Variants in AGBL4 observed in about 807,000 individuals in gnomAD.
AGBL4 encodes the protein cytosolic carboxypeptidase 6.
AGBL4 carries 58 observed loss-of-function variants against 66.4 expected under a neutral mutation model. That is an observed-to-expected ratio of 0.87 (90% CI 0.71 to 1.09). The LOEUF (loss-of-function observed/expected upper bound fraction) is 1.09, where lower values mean the gene tolerates loss of function less well. Ranked by LOEUF, AGBL4 falls within the 50% of genes least tolerant of loss-of-function variation. The pLI is 0.00. For missense variants in AGBL4, 579 were observed against 631.0 expected, an observed-to-expected ratio of 0.92 and a Z score of 0.88; for synonymous variants, 234 against 222.9, an observed-to-expected ratio of 1.05 and a Z score of -0.44.
intron 2 of AGBL4, among the ~76,000 whole-genome samples, chr1:49,784,613 C>A (rs769060549): frequency 6.6e-6 from 1 of 151,866 alleles, no homozygotes; most frequent in Non-Finnish European, 1.5e-5. Flanking sequence ...CAATGTCACA[C>A]CAATAGCACA....
chr1:49,508,120 T>C (rs1167295), intron 3 of AGBL4, among the ~76,000 whole-genome samples: 103,347 of 151,718 alleles, frequency 0.68, 36,024 homozygotes, highest in African/African-American at 0.77. Context: ...ACAATCAATA[T>C]TTTAATACAT....
intron 4 of AGBL4, among the ~76,000 whole-genome samples, chr1:49,155,006 T>C (rs1332395067): frequency 6.6e-6 from 1 of 152,186 alleles, no homozygotes; most frequent in African/African-American, 2.4e-5. Context: ...ATGCTAAACA[T>C]AGAACCATTT....
chr1:49,082,782 A>T (rs911846712), intron 4 of AGBL4, among the ~76,000 whole-genome samples: 1 of 152,198 alleles, frequency 6.6e-6, no homozygotes, highest in African/African-American at 2.4e-5. Flanking sequence ...CTAACTTAAA[A>T]GTCCATAGTC....
At chr1:48,749,412 A>T (rs1430145069) in intron 6 of AGBL4, among the ~76,000 whole-genome samples, 1 of 152,168 alleles carries the variant, frequency 6.6e-6, no homozygotes, top group African/African-American at 2.4e-5. Flanking sequence ...GTTAATCCTT[A>T]TGGTGGTCCT....
chr1:49,957,772 C>G (rs1256230616), intron 1 of AGBL4, among the ~76,000 whole-genome samples: 1 of 151,978 alleles, frequency 6.6e-6, no homozygotes, highest in Non-Finnish European at 1.5e-5. Flanking sequence ...TGAGATGGGT[C>G]TCCTGAATAC....
intron 2 of AGBL4, among the ~76,000 whole-genome samples, chr1:49,768,152 G>T (rs1008418574): frequency 3.2e-4 from 49 of 151,990 alleles, no homozygotes; most frequent in Admixed American, 2.4e-3. Context: ...GAGGAGGAGG[G>T]TCTCATCTCT....
At chr1:49,029,607 A>G (rs1322317576) in intron 5 of AGBL4, among the ~76,000 whole-genome samples, 2 of 152,178 alleles carry the variant, frequency 1.3e-5, no homozygotes, top group East Asian at 1.9e-4. Context: ...AATATTCTCC[A>G]CACTAATTTA....
intron 2 of AGBL4, among the ~76,000 whole-genome samples, chr1:49,814,744 C>A (rs1645190116): frequency 6.6e-6 from 1 of 152,054 alleles, no homozygotes; most frequent in Admixed American, 6.6e-5. Flanking sequence ...GATATAAAAT[C>A]ATTGAAGGAA....
At chr1:49,881,047 G>A (rs545451228) in intron 1 of AGBL4, among the ~76,000 whole-genome samples, 393 of 152,218 alleles carry the variant, frequency 2.6e-3, no homozygotes, top group Non-Finnish European at 4.3e-3. Context: ...CCACTGGCCT[G>A]CGCCCACTGT....
At chr1:48,546,008 T>C (rs1644152592) in intron 11 of AGBL4, among the ~76,000 whole-genome samples, 1 of 152,226 alleles carries the variant, frequency 6.6e-6, no homozygotes, top group African/African-American at 2.4e-5. Context: ...AGATACACTT[T>C]ATAGCCTAGA....
intron 6 of AGBL4, 150 bp downstream of exon 6, chr1:48,867,041 A>C: frequency 9.3e-6 from 8 of 856,488 alleles, no homozygotes; most frequent in African/African-American, 1.7e-5. Flanking sequence ...AGCAGAGGGT[A>C]GGGGAGGAGA....
Position 48,918,362 on chromosome 1 carries a change from G to A in AGBL4, c.595-51132C>T, listed in dbSNP as rs1043658674. On this transcript the variant is annotated intron_variant, in intron 5 of 13. Transcript: ENST00000371839. ...GTTGAGATTTGATAGGATGATGTCA[G>A]TGACCTTTCTGCTTTGTGGACCAAG... Among the ~76,000 whole-genome samples, 4 of 152,220 alleles carry A rather than the reference G, an allele frequency of 2.6e-5. No homozygotes were observed. The East Asian group carries it at 7.7e-4, about 29-fold the overall frequency.
At chr1:48,792,867 C>T (rs1645584845) in intron 6 of AGBL4, among the ~76,000 whole-genome samples, 1 of 152,090 alleles carries the variant, frequency 6.6e-6, no homozygotes, top group African/African-American at 2.4e-5. Context: ...CCTTGATGTC[C>T]CACAGACACC....
At chr1:49,166,046 T>G (rs992490932) in intron 4 of AGBL4, among the ~76,000 whole-genome samples, 4 of 152,100 alleles carry the variant, frequency 2.6e-5, no homozygotes, top group African/African-American at 9.7e-5. Flanking sequence ...GCATTCTAAT[T>G]GACTGCATCT....
At chr1:48,679,583 T>A (rs1646422098) in intron 6 of AGBL4, among the ~76,000 whole-genome samples, 1 of 151,904 alleles carries the variant, frequency 6.6e-6, no homozygotes, top group Non-Finnish European at 1.5e-5. Flanking sequence ...ACAACCACCC[T>A]GTGGGGTCAT....
At chr1:48,635,143 C>T (rs1279489421) in intron 8 of AGBL4, among the ~76,000 whole-genome samples, 1 of 152,206 alleles carries the variant, frequency 6.6e-6, no homozygotes, top group East Asian at 1.9e-4. Context: ...CCTCCTCCCA[C>T]CTCACCTTCC....
intron 3 of AGBL4, among the ~76,000 whole-genome samples, chr1:49,521,708 A>G (rs1477536607): frequency 3.9e-5 from 6 of 152,128 alleles, no homozygotes; most frequent in Non-Finnish European, 8.8e-5. Flanking sequence ...TAAAAATTCT[A>G]AAAGAAAAAC....
At chr1:49,326,158 T>A (rs375802204) in intron 3 of AGBL4, among the ~76,000 whole-genome samples, 178 of 152,370 alleles carry the variant, frequency 1.2e-3, no homozygotes, top group African/African-American at 4.2e-3. Context: ...CTTCCTTTAG[T>A]CTTTCTTGTG....
chr1:48,589,732 G>T (rs553750212), intron 10 of AGBL4, among the ~76,000 whole-genome samples: 152 of 152,314 alleles, frequency 1.0e-3, no homozygotes, highest in African/African-American at 3.6e-3. Context: ...CTTCCAGGAA[G>T]CTATAATGCA....
Sources: allele counts gnomAD v4.1 joint callset (sites outside exome capture counted in the v4.1 genomes callset), GRCh38; gene constraint gnomAD v4.1.1; transcripts MANE v1.5; gene names NCBI Gene and HGNC (gene_info 2026-07-23, HGNC 2026-07-21).